Variants in GRSF1 observed in about 807,000 individuals in gnomAD.
GRSF1 encodes G-rich sequence factor 1.
GRSF1 carries 50 observed loss-of-function variants against 51.1 expected under a neutral mutation model. The ratio of observed to expected loss-of-function variants is 0.98; its 90% CI spans 0.78 to 1.24. GRSF1 has a LOEUF of 1.24. GRSF1 is among the 50% of genes most tolerant of loss of function. The pLI is 0.00. For synonymous variants in GRSF1, 293 were observed against 253.3 expected (o/e 1.16, Z -1.49); for missense variants, 700 against 639.7 (o/e 1.09, Z -1.02).
Position 70,833,160 on chromosome 4 carries a change from A to G in GRSF1, c.628T>C (p.Leu210=). The change falls in exon 3 of 10, where the codon TTA becomes CTA. Residue 210 remains leucine, a synonymous_variant. Coordinates refer to ENST00000254799, the MANE Select transcript of GRSF1 (RefSeq NM_002092.4). ...MESEQDVQKA[L]EKHRMYMGQR... Reference sequence around the variant, plus strand: ...CCCATGTACATGCGGTGCTTCTCTAAGGCTTTCTGCACATCCTGCTCTGAC... The same window carrying G: ...CCCATGTACATGCGGTGCTTCTCTAGGGCTTTCTGCACATCCTGCTCTGAC... The G allele has an allele frequency of 6.2e-7, 1 of 1,613,910 alleles. No individual in the cohort carries two copies.
chr4:70,826,772 C>T (rs929679604), intron 6 of GRSF1, among the ~76,000 whole-genome samples: 1 of 152,034 alleles, frequency 6.6e-6, no homozygotes, highest in Non-Finnish European at 1.5e-5. Context: ...TGCCTGAGCC[C>T]AGGAGTTCAA....
intron 8 of GRSF1, 146 bp downstream of exon 8, chr4:70,825,150 G>C (rs1733684975): frequency 1.9e-6 from 1 of 537,392 alleles, no homozygotes; most frequent in South Asian, 3.9e-5. Flanking sequence ...TTATAATATA[G>C]TGTTTTATCT....
rs535478397 is a variant in GRSF1, at chr4:70,839,123, G to A, written c.357+348C>T. 4.1e-5 allele frequency: 54 copies of A among 1,301,632 alleles called. No homozygotes were observed. In the African/African-American group the frequency reaches 5.1e-4, roughly 12 times the overall value. 80.6% of individuals were successfully genotyped at this position (1,301,632 alleles called of 1,614,324 possible). ...GGGCCTCGCAACTTCACAACCAGCC[G>A]GCGGAAAGCAAGAAGATGCGAGGTG... is the stretch of plus-strand genomic sequence containing the variant. On this transcript the variant is annotated intron_variant, in intron 1 of 9. Coordinates refer to ENST00000254799, the MANE Select transcript of GRSF1 (RefSeq NM_002092.4).
chr4:70,840,028 CAT>C (rs1734408689), upstream of GRSF1: 2 of 505,622 alleles, frequency 4.0e-6, no homozygotes, highest in African/African-American at 4.1e-5. Flanking sequence ...CGGGGCTGCC[CAT>C]GGTTTGGGCG....
chr4:70,842,039 G>A (rs1177823350), upstream of GRSF1, among the ~76,000 whole-genome samples: 1 of 152,182 alleles, frequency 6.6e-6, no homozygotes, highest in Non-Finnish European at 1.5e-5. Flanking sequence ...CTGGGAGAGG[G>A]GGTGTGGGAA....
intron 1 of GRSF1, among the ~76,000 whole-genome samples, chr4:70,838,038 T>C (rs931732917): frequency 6.6e-6 from 1 of 151,374 alleles, no homozygotes; most frequent in East Asian, 2.0e-4. Flanking sequence ...GAGACCACGG[T>C]GAAACCCCGT....
Position 70,819,674 on chromosome 4 carries a change from A to C in GRSF1, c.*1213T>G, listed in dbSNP as rs1180543400. 1.3e-5 allele frequency: 2 copies of C among 152,634 alleles called. No homozygotes were observed. The highest frequency in any genetic ancestry group is 1.3e-4 in the Admixed American group (2 of 15,282). The allele number at this position is 152,634 out of a possible 1,614,324, so 9.5% of individuals were successfully genotyped here. On this transcript the variant is annotated 3_prime_UTR_variant, in exon 10 of 10. Coordinates refer to ENST00000254799, the MANE Select transcript of GRSF1 (RefSeq NM_002092.4). ...ACCTGTCAGAAACCTGGGCAAATTTAATTTTAAGAACTAGAACTGCATCTC... is the reference window on the plus strand; with the variant it reads ...ACCTGTCAGAAACCTGGGCAAATTTCATTTTAAGAACTAGAACTGCATCTC...
At chr4:70,835,965 C>T (rs1560602250) in intron 2 of GRSF1, among the ~76,000 whole-genome samples, 193 bp downstream of exon 2, 2 of 152,148 alleles carry the variant, frequency 1.3e-5, no homozygotes, top group Admixed American at 6.5e-5. Flanking sequence ...CACATGGTAT[C>T]ATTTGGTATA....
chr4:70,815,855 G>A lies in GRSF1; in HGVS notation c.*5032C>T, dbSNP rs986306068. 2.0e-5 allele frequency: 3 copies of A among 152,178 alleles called. No homozygotes were observed. The highest frequency in any genetic ancestry group is 4.4e-5 in the Non-Finnish European group (3 of 68,024). The allele number at this position is 152,178 out of a possible 1,614,324, so 9.4% of individuals were successfully genotyped here. ...ACAGCCCATTGTTCACCAGTTAGTT[G>A]TTCACCTAACAGGTGAAACGTTAAA... On this transcript the variant is annotated 3_prime_UTR_variant, in exon 10 of 10. Transcript: ENST00000254799.
At chr4:70,837,360 C>G (rs554346208) in intron 1 of GRSF1, among the ~76,000 whole-genome samples, 111 of 151,968 alleles carry the variant, frequency 7.3e-4, no homozygotes, top group African/African-American at 2.5e-3. Flanking sequence ...GTCAGGAGTT[C>G]AAGACCAGCC....
intron 4 of GRSF1, 145 bp from the exon 5 acceptor site, chr4:70,831,819 C>T: frequency 1.6e-6 from 1 of 630,290 alleles, no homozygotes; most frequent in Non-Finnish European, 2.6e-6. Flanking sequence ...AATTATTATG[C>T]AGTCAAAAGT....
intron 1 of GRSF1, among the ~76,000 whole-genome samples, chr4:70,836,844 T>C (rs1412578625): frequency 1.3e-5 from 2 of 152,228 alleles, no homozygotes; most frequent in African/African-American, 4.8e-5. Context: ...AGATAGGGTA[T>C]TCCAGTTTGA....
chr4:70,830,446 T>TA (rs75517390), intron 5 of GRSF1, among the ~76,000 whole-genome samples: 3,497 of 124,774 alleles, frequency 0.028, 58 homozygotes, highest in South Asian at 0.076. Context: ...CCCTGTGTCT[T>TA]AAAAAAAAAA....
chr4:70,823,171 G>A (rs950488599), intron 9 of GRSF1, among the ~76,000 whole-genome samples: 3 of 152,236 alleles, frequency 2.0e-5, no homozygotes, highest in Admixed American at 6.5e-5. Flanking sequence ...CGAGGCAGGC[G>A]GATCACCTGA....
At chr4:70,825,240 T>C in intron 8 of GRSF1, 56 bp downstream of exon 8, 4 of 1,445,114 alleles carry the variant, frequency 2.8e-6, no homozygotes, top group Non-Finnish European at 3.8e-6. Context: ...GAAAAAGATA[T>C]TTGTAAGCAA....
chr4:70,825,386 A>G lies in GRSF1; in HGVS notation c.1303T>C (p.Ser435Pro), dbSNP rs1026989462. The change falls in exon 8 of 10, where the codon TCC becomes CCC. Residue 435 changes from serine (S) to proline (P), a missense_variant. Physicochemically the swap from Ser to Pro is moderately conservative, Grantham distance 74. Transcript: ENST00000254799. ...GCTTCTCCAGTGGCCTTCCCACTGG[A>G]GCTGTATTCCATGGTGATTCTAACA... Reference protein sequence around the residue: ...KPVRITMEYSSSGKATGEADV... With the variant: ...KPVRITMEYSPSGKATGEADV... 6.2e-7 allele frequency: 1 copy of G among 1,611,896 alleles called. No homozygotes were observed. Among genetic ancestry groups the G allele is most frequent in the Non-Finnish European group, 8.5e-7 (1 of 1,178,680 alleles).
At position 70,839,428 on chromosome 4, in the gene GRSF1, C is replaced by A. The variant is rs563525882; in HGVS notation, c.357+43G>T. 1.4e-4 allele frequency: 203 copies of A among 1,491,054 alleles called. 1 individual carries two copies. In the South Asian group the frequency reaches 2.3e-3, roughly 17 times the overall value. The allele number at this position is 1,491,054 out of a possible 1,614,324, so 92.4% of individuals were successfully genotyped here. A position where few individuals can be genotyped will look rare whatever the true frequency, so the allele number is the denominator to read the frequency against. The stretch of plus-strand genomic sequence containing the variant: ...GGGCGCGGGGGCGCGTGCACGCGGC[C>A]CGGGAGGGATCTCGCGCCAGGTCCC... On this transcript the variant is annotated intron_variant, in intron 1 of 9. Transcript: ENST00000254799.
chr4:70,819,016 G>T lies in GRSF1; in HGVS notation c.*1871C>A, dbSNP rs1268450349. 1.3e-5 allele frequency: 2 copies of T among 152,024 alleles called. No homozygotes were observed. The highest frequency in any genetic ancestry group is 4.8e-5 in the African/African-American group (2 of 41,376). 9.4% of individuals were successfully genotyped at this position (152,024 alleles called of 1,614,324 possible). A position where few individuals can be genotyped will look rare whatever the true frequency, so the allele number is the denominator to read the frequency against. On this transcript the variant is annotated 3_prime_UTR_variant, in exon 10 of 10. Transcript: ENST00000254799. ...CTAGATCATGAACAAAAACAAAAGGGAGCATTCAAATACATAAAATGATTT... is the reference window on the plus strand; with the variant it reads ...CTAGATCATGAACAAAAACAAAAGGTAGCATTCAAATACATAAAATGATTT...
chr4:70,829,090 C>T (rs1416522406), intron 5 of GRSF1, among the ~76,000 whole-genome samples: 4 of 151,928 alleles, frequency 2.6e-5, no homozygotes, highest in African/African-American at 7.2e-5. Flanking sequence ...GGGTTCTTGC[C>T]ATGTTGCCCA....
Sources: allele counts gnomAD v4.1 joint callset (sites outside exome capture counted in the v4.1 genomes callset), GRCh38; gene constraint gnomAD v4.1.1; transcripts MANE v1.5; gene names NCBI Gene and HGNC (gene_info 2026-07-23, HGNC 2026-07-21).